CLVS1: variants seen among roughly 807,000 people sequenced by gnomAD.
CLVS1 encodes the protein clavesin 1.
Under a neutral mutation model 33.1 loss-of-function variants are expected in CLVS1, and 10 were observed. The ratio of observed to expected loss-of-function variants is 0.30; its 90% confidence interval spans 0.19 to 0.51. The LOEUF is 0.51. Among genes scored for constraint, CLVS1 ranks in the 20% least tolerant of loss-of-function variants. The pLI, the probability that CLVS1 is intolerant of heterozygous loss-of-function variation, is 0.97. For missense variants in CLVS1, 343 were observed against 433.4 expected (o/e 0.79, Z 1.85); for synonymous variants, 163 against 166.1 (o/e 0.98, Z 0.14).
intron 2 of CLVS1, among the ~76,000 whole-genome samples, chr8:61,352,614 G>T (rs1812515482): frequency 6.6e-6 from 1 of 151,942 alleles, no homozygotes; most frequent in Non-Finnish European, 1.5e-5. Flanking sequence ...GCTGTATTCG[G>T]ATAAGGTAGT....
chr8:61,431,409 T>C (rs927561773), intron 3 of CLVS1, among the ~76,000 whole-genome samples: 1 of 152,230 alleles, frequency 6.6e-6, no homozygotes, highest in African/African-American at 2.4e-5. Flanking sequence ...TTCTTTTTTG[T>C]ATGTGGAAAC....
At chr8:61,074,430 T>C (rs1026551784) in intron 1 of CLVS1, among the ~76,000 whole-genome samples, 2 of 141,418 alleles carry the variant, frequency 1.4e-5, no homozygotes, top group Non-Finnish European at 3.0e-5. Context: ...TGTATATATA[T>C]ATGTTATATA....
chr8:61,494,731 A>G (rs1362636119), intron 5 of CLVS1, among the ~76,000 whole-genome samples: 1 of 152,250 alleles, frequency 6.6e-6, no homozygotes, highest in African/African-American at 2.4e-5. Flanking sequence ...CAAGATTTAA[A>G]AGGTTGTATC....
At chr8:61,150,388 A>G (rs879810071) in intron 2 of CLVS1, among the ~76,000 whole-genome samples, 1 of 152,080 alleles carries the variant, frequency 6.6e-6, no homozygotes, top group Non-Finnish European at 1.5e-5. Flanking sequence ...TGACTTATCT[A>G]TTCCTTTCCA....
At chr8:60,979,056 T>C in the CLVS1 span, among the ~76,000 whole-genome samples, 3 of 152,170 alleles carry the variant, frequency 2.0e-5, no homozygotes, top group African/African-American at 7.2e-5. Flanking sequence ...GAGCTAGTTT[T>C]ACAAGGCCAA....
At position 61,166,030 on chromosome 8, in the gene CLVS1, C is replaced by CGTTTTTTTTT. The variant is rs1806855882; in HGVS notation, c.-152+34171_-152+34180dup. 5.9e-5 allele frequency among the ~76,000 whole-genome samples: 2 copies of CGTTTTTTTTT among 33,934 alleles called. 1 individual carries two copies. Among genetic ancestry groups the CGTTTTTTTTT allele is most frequent in the Non-Finnish European group, 2.3e-4 (2 of 8,684 alleles). 22.3% of individuals were successfully genotyped at this position (33,934 alleles called of 152,430 possible). A position where few individuals can be genotyped will look rare whatever the true frequency, so the allele number is the denominator to read the frequency against. On this transcript the variant is annotated intron_variant, in intron 2 of 2. Transcript: ENST00000522621. Reference sequence around the variant, plus strand: ...ATATTTTTGTGGCTAAGCATCTAAGCGTTTTTTTTTTTTTTGCCTGCCTTT... The same window carrying CGTTTTTTTTT: ...ATATTTTTGTGGCTAAGCATCTAAGCGTTTTTTTTTGTTTTTTTTTTTTTTGCCTGCCTTT...
At chr8:60,987,636 T>C in the CLVS1 span, among the ~76,000 whole-genome samples, 1 of 152,200 alleles carries the variant, frequency 6.6e-6, no homozygotes, top group Non-Finnish European at 1.5e-5. Flanking sequence ...AAATGTATCC[T>C]TACTTTACAG....
At chr8:61,158,507 G>A (rs1253167728) in intron 2 of CLVS1, among the ~76,000 whole-genome samples, 4 of 152,130 alleles carry the variant, frequency 2.6e-5, no homozygotes, top group African/African-American at 9.7e-5. Flanking sequence ...AATGATCATT[G>A]GTAGTGAAAT....
intron 2 of CLVS1, among the ~76,000 whole-genome samples, chr8:61,182,282 A>T (rs1807253991): frequency 6.6e-6 from 1 of 152,236 alleles, no homozygotes; most frequent in Non-Finnish European, 1.5e-5. Context: ...CAAAGATTTC[A>T]TGATGAAAAC....
chr8:61,048,901 C>A, the CLVS1 span, among the ~76,000 whole-genome samples: 3 of 152,110 alleles, frequency 2.0e-5, no homozygotes, highest in Admixed American at 1.3e-4. Context: ...TTGACTGAGG[C>A]TCTGATATCC....
In CLVS1 at chr8:61,091,082, G is replaced by A. The variant is rs533568639; in HGVS notation, c.-243+33852G>A. The stretch of plus-strand genomic sequence containing the variant: ...ACTTTGCAGACGTGATTAAATTAAG[G>A]ATCTTGCCATGGGAGATTAGCCTGG... On this transcript the variant is annotated intron_variant, in intron 1 of 2. Transcript: ENST00000522621. Among the ~76,000 whole-genome samples, 6 of 152,298 alleles carry A rather than the reference G, an allele frequency of 3.9e-5. No homozygotes were observed. In the South Asian group the frequency reaches 1.2e-3, roughly 32 times the overall value.
intron 5 of CLVS1, among the ~76,000 whole-genome samples, chr8:61,462,394 G>A (rs1283389653): frequency 1.3e-5 from 2 of 151,984 alleles, no homozygotes; most frequent in Non-Finnish European, 2.9e-5. Flanking sequence ...GTTTTGTTTT[G>A]TTTTTTTGAG....
the CLVS1 span, among the ~76,000 whole-genome samples, chr8:61,051,067 C>T: frequency 2.0e-5 from 3 of 152,192 alleles, no homozygotes; most frequent in African/African-American, 7.2e-5. Context: ...AATAAACAGG[C>T]TCCTCTGCAG....
At chr8:61,194,364 A>T (rs1259708160) in intron 2 of CLVS1, among the ~76,000 whole-genome samples, 1 of 150,234 alleles carries the variant, frequency 6.7e-6, no homozygotes, top group Non-Finnish European at 1.5e-5. Flanking sequence ...AAAGAAATGT[A>T]TGTTAGCCAA....
intron 2 of CLVS1, among the ~76,000 whole-genome samples, chr8:61,234,432 G>T (rs1485178587): frequency 6.6e-6 from 1 of 152,054 alleles, no homozygotes; most frequent in Non-Finnish European, 1.5e-5. Context: ...AGAAGTTCAG[G>T]GTACACAACA....
rs186883501 is a variant in CLVS1 at position 61,483,708 on chromosome 8, T to C, written c.978-15747T>C. On this transcript the variant is annotated intron_variant, in intron 5 of 5. Transcript: ENST00000325897. ...GATGCAAAAATCCTCAATAAAATAC[T>C]GGCAAACTGAATGCAGCAGCACATC... 3.9e-4 allele frequency among the ~76,000 whole-genome samples: 59 copies of C among 152,304 alleles called. 1 individual carries two copies. The East Asian group carries it at 0.011, about 28-fold the overall frequency.
chr8:61,031,682 C>T, the CLVS1 span, among the ~76,000 whole-genome samples: 4 of 152,088 alleles, frequency 2.6e-5, no homozygotes, highest in African/African-American at 7.2e-5. Flanking sequence ...TCCTGGCCAT[C>T]GAAAAACTTG....
At chr8:61,183,935 A>G (rs2129301160) in intron 2 of CLVS1, among the ~76,000 whole-genome samples, 1 of 152,154 alleles carries the variant, frequency 6.6e-6, no homozygotes, top group East Asian at 1.9e-4. Context: ...CTCATATAAG[A>G]ATATAACGTG....
intron 5 of CLVS1, among the ~76,000 whole-genome samples, chr8:61,478,158 T>C (rs1363385687): frequency 6.6e-6 from 1 of 152,214 alleles, no homozygotes; most frequent in Non-Finnish European, 1.5e-5. Context: ...GAGTTCTAGT[T>C]TGATTGCACT....
Sources: allele counts gnomAD v4.1 joint callset (sites outside exome capture counted in the v4.1 genomes callset), GRCh38; gene constraint gnomAD v4.1.1; transcripts MANE v1.5; gene names NCBI Gene and HGNC (gene_info 2026-07-23, HGNC 2026-07-21).